The following SETD2 variants were observed in gnomAD, a reference collection of about 807,000 sequenced individuals.
SETD2 encodes SET domain containing 2, histone lysine methyltransferase.
SETD2 carries 31 observed loss-of-function variants against 242.1 expected under a neutral mutation model. That is an observed-to-expected ratio of 0.13 (90% CI 0.10 to 0.17). The LOEUF is 0.17. Ranked by LOEUF, SETD2 falls within the 10% of genes least tolerant of loss-of-function variation. The pLI, the probability that SETD2 is intolerant of heterozygous loss-of-function variation, is 1.00. For synonymous variants in SETD2, 1,006 were observed against 1,066.5 expected (o/e 0.94, Z 1.11); for missense variants, 2,481 against 3,046.3 (o/e 0.81, Z 4.37).
chr3:47,043,022 ATATCTT>A (rs1485476278), intron 16 of SETD2, among the ~76,000 whole-genome samples: 7 of 151,674 alleles, frequency 4.6e-5, no homozygotes, highest in African/African-American at 1.7e-4. Flanking sequence ...GGATACAGAA[ATATCTT>A]TATCTTTAAA....
intron 1 of SETD2, among the ~76,000 whole-genome samples, chr3:47,132,091 T>C (rs2043490956): frequency 6.6e-6 from 1 of 151,878 alleles, no homozygotes; most frequent in Non-Finnish European, 1.5e-5. Flanking sequence ...TGCATATTCT[T>C]ATTCGAAAAC....
At chr3:47,150,752 T>C (rs911411324) in intron 1 of SETD2, among the ~76,000 whole-genome samples, 2 of 151,812 alleles carry the variant, frequency 1.3e-5, no homozygotes, top group Non-Finnish European at 2.9e-5. Context: ...GAAGCTGAGG[T>C]AGGGAGACTG....
intron 18 of SETD2, among the ~76,000 whole-genome samples, chr3:47,025,545 C>T (rs986418500): frequency 6.6e-6 from 1 of 152,218 alleles, no homozygotes. Context: ...CAATTTAAAT[C>T]TAACCTACTT....
At chr3:47,082,491 A>G (rs2041359475) in intron 12 of SETD2, among the ~76,000 whole-genome samples, 1 of 152,214 alleles carries the variant, frequency 6.6e-6, no homozygotes, top group African/African-American at 2.4e-5. Context: ...AAATCCATCA[A>G]GTGACTATCC....
At position 47,083,781 on chromosome 3, in the gene SETD2, T is replaced by C. The variant is rs139064872; in HGVS notation, c.5999A>G (p.Asp2000Gly). 11 of 1,614,178 alleles carry C rather than the reference T, an allele frequency of 6.8e-6. No individual in the cohort carries two copies. The highest frequency in any genetic ancestry group is 5.0e-5 in the Admixed American group (3 of 60,024). Residue 2000 changes from aspartate (D) to glycine (G), a missense_variant, in exon 12 of 21, where the codon GAT (aspartate) becomes GGT (glycine). By Grantham distance (94) the Asp-to-Gly change is moderately conservative. Transcript: ENST00000409792. Reference sequence around the variant, plus strand: ...CAAATCACTTATATCCACTGTTTTATCTGGCTGTTCTTGGCTCCTTTCACT... The same window carrying C: ...CAAATCACTTATATCCACTGTTTTACCTGGCTGTTCTTGGCTCCTTTCACT... ...VESERSQEQP[D>G]KTVDISDLAT... is the part of the protein sequence containing the mutation.
intron 1 of SETD2, among the ~76,000 whole-genome samples, chr3:47,129,941 T>C (rs1315989191): frequency 1.3e-5 from 2 of 151,348 alleles, no homozygotes; most frequent in Non-Finnish European, 2.9e-5. Flanking sequence ...CATAATTAGT[T>C]GAAAGCTGGG....
rs781662505 is a variant in SETD2 at position 47,121,742 on chromosome 3, T to C, written c.2894A>G (p.Glu965Gly). 1 of 1,614,144 alleles carries C rather than the reference T, an allele frequency of 6.2e-7. No homozygotes were observed. Among genetic ancestry groups the C allele is most frequent in the Admixed American group, 1.7e-5 (1 of 60,016 alleles). ...TCTTTCAGGCAATATGGAATTCCCTTCTTCTTGAGCCTCTTGCAAACATTT... is the reference window on the plus strand; with the variant it reads ...TCTTTCAGGCAATATGGAATTCCCTCCTTCTTGAGCCTCTTGCAAACATTT... ...SGKCLQEAQE[E>G]GNSILPERRG... The change falls in exon 3 of 21, where the codon GAA (glutamate) becomes GGA (glycine). Residue 965 changes from glutamate to glycine, a missense_variant. Coordinates refer to ENST00000409792, the MANE Select transcript of SETD2 (RefSeq NM_014159.7).
intron 12 of SETD2, among the ~76,000 whole-genome samples, chr3:47,068,938 G>A (rs1002272806): frequency 2.0e-5 from 3 of 151,752 alleles, no homozygotes; most frequent in Non-Finnish European, 4.4e-5. Flanking sequence ...GGGATTACAG[G>A]TGCATGCCAC....
chr3:47,021,362 T>G (rs571384828), intron 18 of SETD2, among the ~76,000 whole-genome samples: 1 of 152,276 alleles, frequency 6.6e-6, no homozygotes, highest in South Asian at 2.1e-4. Flanking sequence ...GAGGGTACTA[T>G]GTAAATAGAA....
At chr3:47,078,904 AGTTT>A (rs2041213062) in intron 12 of SETD2, among the ~76,000 whole-genome samples, 1 of 151,808 alleles carries the variant, frequency 6.6e-6, no homozygotes, top group Admixed American at 6.6e-5. Flanking sequence ...CTAATTTTTT[AGTTT>A]TTGTAGAGAC....
chr3:47,028,226 A>AC (rs1387688885), intron 18 of SETD2, among the ~76,000 whole-genome samples: 1 of 152,188 alleles, frequency 6.6e-6, no homozygotes, highest in Non-Finnish European at 1.5e-5. Flanking sequence ...CCCTATGATT[A>AC]CCTTGGCTTT....
At chr3:47,109,361 A>G (rs781036535) in intron 5 of SETD2, among the ~76,000 whole-genome samples, 33 of 152,168 alleles carry the variant, frequency 2.2e-4, no homozygotes, top group Admixed American at 6.5e-5. Flanking sequence ...TATTAATAAA[A>G]CGGGCCAGGG....
At chr3:47,103,255 T>C (rs752177406) in intron 7 of SETD2, 91 bp downstream of exon 7, 1 of 797,420 alleles carries the variant, frequency 1.3e-6, no homozygotes, top group Non-Finnish European at 2.1e-6. Context: ...ACTAAAAAAT[T>C]CATGAGTACC....
intron 1 of SETD2, among the ~76,000 whole-genome samples, chr3:47,162,917 T>C (rs1184558635): frequency 1.3e-5 from 2 of 152,214 alleles, no homozygotes; most frequent in Non-Finnish European, 2.9e-5. Flanking sequence ...AAAGGTGTCC[T>C]AGACTGAAAA....
Position 47,143,595 on chromosome 3 carries a change from C to T in SETD2, c.72-16932G>A, listed in dbSNP as rs907379564. 2.6e-5 allele frequency among the ~76,000 whole-genome samples: 4 copies of T among 152,174 alleles called. No individual in the cohort carries two copies. In the South Asian group the frequency reaches 6.2e-4, roughly 24 times the overall value. ...TCTGTAAGTTGCTCATTATTAAATACTAACAGTATATAACTGCATATTCAT... is the reference window on the plus strand; with the variant it reads ...TCTGTAAGTTGCTCATTATTAAATATTAACAGTATATAACTGCATATTCAT... On this transcript the variant is annotated intron_variant, in intron 1 of 20. Coordinates refer to ENST00000409792, the MANE Select transcript of SETD2 (RefSeq NM_014159.7).
intron 9 of SETD2, among the ~76,000 whole-genome samples, chr3:47,096,608 C>T (rs1313378151): frequency 7.2e-6 from 1 of 139,508 alleles, no homozygotes; most frequent in African/African-American, 2.8e-5. Flanking sequence ...GGGGGCTGGG[C>T]ACTGTGGCTC....
intron 5 of SETD2, among the ~76,000 whole-genome samples, chr3:47,110,565 A>G (rs1254172389): frequency 1.3e-5 from 2 of 152,184 alleles, no homozygotes; most frequent in Non-Finnish European, 2.9e-5. Flanking sequence ...GGGGTCTGCC[A>G]TGGCACTTTA....
chr3:47,039,599 C>T (rs890962733), intron 17 of SETD2, among the ~76,000 whole-genome samples: 5 of 150,782 alleles, frequency 3.3e-5, no homozygotes, highest in Non-Finnish European at 7.4e-5. Context: ...GGTGTGGTGG[C>T]TCACACCTGT....
intron 2 of SETD2, among the ~76,000 whole-genome samples, chr3:47,125,516 C>A (rs1339499116): frequency 2.0e-5 from 3 of 151,948 alleles, no homozygotes; most frequent in African/African-American, 7.2e-5. Flanking sequence ...AATCAATGTC[C>A]CAGGTTTGGG....
Sources: allele counts gnomAD v4.1 joint callset (sites outside exome capture counted in the v4.1 genomes callset), GRCh38; gene constraint gnomAD v4.1.1; transcripts MANE v1.5; gene names NCBI Gene and HGNC (gene_info 2026-07-23, HGNC 2026-07-21).